The following COL24A1 variants were observed in gnomAD, a reference collection of about 807,000 sequenced individuals.
COL24A1 encodes the protein collagen type XXIV alpha 1 chain, also known as collagen alpha-1(XXIV) chain.
COL24A1 carries 224 observed loss-of-function variants against 253.9 expected under a neutral mutation model. That is an observed-to-expected ratio of 0.88 (90% CI 0.79 to 0.99). The LOEUF (loss-of-function observed/expected upper bound fraction) is 0.99. Ranked by LOEUF, COL24A1 falls within the 50% of genes least tolerant of loss-of-function variation. The pLI is 0.00. For synonymous variants in COL24A1, 685 were observed against 673.7 expected, an observed-to-expected ratio of 1.02 and a Z score of -0.26; for missense variants, 2,131 against 2,068.5, an observed-to-expected ratio of 1.03 and a Z score of -0.59.
chr1:86,078,715 A>G (rs2101892627), intron 7 of COL24A1, among the ~76,000 whole-genome samples: 1 of 152,304 alleles, frequency 6.6e-6, no homozygotes, highest in South Asian at 2.1e-4. Context: ...CATTTACAAT[A>G]GCCACACATA....
rs761076970 is a variant in COL24A1 at position 85,849,342 on chromosome 1, T to A, written c.3354+11A>T. On this transcript the variant is annotated intron_variant, in intron 38 of 59. Transcript: ENST00000370571. ...GAAAGAAAACCTGCATAAGAAGATG[T>A]AAAAAATTACCTTTTTTCCTGGACG... 6.2e-7 allele frequency: 1 copy of A among 1,611,050 alleles called. No homozygotes were observed. The highest frequency in any genetic ancestry group is 8.5e-7 in the Non-Finnish European group (1 of 1,177,686).
intron 12 of COL24A1, among the ~76,000 whole-genome samples, chr1:86,037,701 A>AG (rs1699144521): frequency 6.6e-6 from 1 of 152,172 alleles, no homozygotes; most frequent in Non-Finnish European, 1.5e-5. Flanking sequence ...TAGATTCCTG[A>AG]CCCATGAAAA....
intron 52 of COL24A1, among the ~76,000 whole-genome samples, chr1:85,780,732 C>T (rs1570585504): frequency 6.6e-6 from 1 of 152,134 alleles, no homozygotes; most frequent in Non-Finnish European, 1.5e-5. Context: ...CCCCTACTTC[C>T]TTCATCACTG....
At chr1:86,016,636 T>C (rs1202985749) in intron 19 of COL24A1, among the ~76,000 whole-genome samples, 4 of 152,214 alleles carry the variant, frequency 2.6e-5, no homozygotes, top group Admixed American at 6.5e-5. Context: ...AAATGTTTTA[T>C]CTCAGAAGCT....
At chr1:86,110,262 T>C (rs1705410717) in intron 5 of COL24A1, among the ~76,000 whole-genome samples, 2 of 151,944 alleles carry the variant, frequency 1.3e-5, no homozygotes, top group Admixed American at 6.5e-5. Context: ...GGAGATATCA[T>C]TAAATATTTT....
chr1:86,072,392 A>G (rs1701938510), intron 7 of COL24A1, among the ~76,000 whole-genome samples: 1 of 152,178 alleles, frequency 6.6e-6, no homozygotes, highest in Admixed American at 6.5e-5. Context: ...CAAAGCTGCC[A>G]GGATGTTAAA....
rs191456099 is a variant in COL24A1 at position 85,885,286 on chromosome 1, C to T, written c.2976+4274G>A. On this transcript the variant is annotated intron_variant, in intron 32 of 59. Coordinates refer to ENST00000370571, the MANE Select transcript of COL24A1 (RefSeq NM_152890.7). Reference sequence around the variant, plus strand: ...CGCGATCTCGGCTCACTGCAACCTCCGCCTCCCAGGTTCAAGTAATTCTCC... The same window carrying T: ...CGCGATCTCGGCTCACTGCAACCTCTGCCTCCCAGGTTCAAGTAATTCTCC... Among the ~76,000 whole-genome samples the T allele has an allele frequency of 3.1e-3, 466 of 151,596 alleles. 1 individual carries two copies. The highest frequency in any genetic ancestry group is 0.01 in the Middle Eastern group (3 of 292).
intron 13 of COL24A1, among the ~76,000 whole-genome samples, chr1:86,032,873 C>T (rs1408667): frequency 0.13 from 19,101 of 152,022 alleles, 1,345 homozygotes; most frequent in Middle Eastern, 0.23. Context: ...TGGATAGTAA[C>T]TGACAAAAAA....
chr1:85,855,739 A>G (rs184048332), intron 37 of COL24A1, among the ~76,000 whole-genome samples: 146 of 152,248 alleles, frequency 9.6e-4, no homozygotes, highest in African/African-American at 3.4e-3. Flanking sequence ...AATCCCTCCT[A>G]TTCAATTTTT....
At chr1:85,892,645 G>C (rs981005629) in intron 31 of COL24A1, among the ~76,000 whole-genome samples, 2 of 151,868 alleles carry the variant, frequency 1.3e-5, no homozygotes, top group African/African-American at 4.8e-5. Flanking sequence ...TTATATTAAA[G>C]CAAAAATCAT....
chr1:86,115,233 C>G, intron 4 of COL24A1, 92 bp downstream of exon 4: 1 of 1,308,832 alleles, frequency 7.6e-7, no homozygotes, highest in Non-Finnish European at 1.1e-6. Context: ...GGCAGGTTTC[C>G]AAAGGAAGTA....
chr1:85,729,587 C>A lies in COL24A1; in HGVS notation c.*959G>T, dbSNP rs1468300983. 6.6e-6 allele frequency: 1 copy of A among 152,400 alleles called. No homozygotes were observed. The highest frequency in any genetic ancestry group is 2.4e-5 in the African/African-American group (1 of 41,418). 9.4% of individuals were successfully genotyped at this position (152,400 alleles called of 1,614,324 possible). On this transcript the variant is annotated 3_prime_UTR_variant, in exon 60 of 60. Coordinates refer to ENST00000370571, the MANE Select transcript of COL24A1 (RefSeq NM_152890.7). ...TTATAATTTAAAACAGCAGCAATTT[C>A]AAAAAATTTGCTGAATTAAAACTTT...
chr1:85,937,133 G>A (rs960869941), intron 24 of COL24A1, among the ~76,000 whole-genome samples: 3 of 147,672 alleles, frequency 2.0e-5, no homozygotes, highest in Non-Finnish European at 4.5e-5. Flanking sequence ...GAAGGAGAAA[G>A]CCCAAACTTG....
At chr1:85,822,560 G>C (rs190384679) in intron 45 of COL24A1, among the ~76,000 whole-genome samples, 2 of 151,914 alleles carry the variant, frequency 1.3e-5, no homozygotes, top group African/African-American at 4.9e-5. Context: ...CAGATTTTTA[G>C]TTTGCTTGAT....
At chr1:86,108,620 T>TAAAGAAAAAAAAAAAAAAAAAAAA (rs1491169938) in intron 5 of COL24A1, among the ~76,000 whole-genome samples, 3 of 83,098 alleles carry the variant, frequency 3.6e-5, no homozygotes, top group African/African-American at 1.5e-4. Context: ...CCATCTCTAC[T>TAAAGAAAAAAAAAAAAAAAAAAAA]AAAAAAAAAA....
At chr1:85,810,830 GTAAGCCAAT>G (rs1464727090) in intron 47 of COL24A1, among the ~76,000 whole-genome samples, 1 of 152,208 alleles carries the variant, frequency 6.6e-6, no homozygotes, top group Non-Finnish European at 1.5e-5. Flanking sequence ...CTGAAGAACT[GTAAGCCAAT>G]TAAACCTCTG....
At chr1:85,776,309 T>G (rs1159136628) in intron 52 of COL24A1, among the ~76,000 whole-genome samples, 1 of 152,102 alleles carries the variant, frequency 6.6e-6, no homozygotes, top group Non-Finnish European at 1.5e-5. Flanking sequence ...ATACCTTCTA[T>G]GACCTCAGTT....
intron 1 of COL24A1, chr1:86,155,660 C>G (rs1284357987): frequency 2.6e-5 from 4 of 152,562 alleles, no homozygotes; most frequent in Non-Finnish European, 5.9e-5. Context: ...GCTCCCCTCC[C>G]CAGTCCCCGC....
intron 11 of COL24A1, among the ~76,000 whole-genome samples, chr1:86,049,405 A>C (rs79718851): frequency 1.3e-5 from 2 of 152,120 alleles, no homozygotes; most frequent in Admixed American, 6.5e-5. Flanking sequence ...AGAAATGAAA[A>C]TTTTGGCCTG....
Sources: allele counts gnomAD v4.1 joint callset (sites outside exome capture counted in the v4.1 genomes callset), GRCh38; gene constraint gnomAD v4.1.1; transcripts MANE v1.5; gene names NCBI Gene and HGNC (gene_info 2026-07-23, HGNC 2026-07-21).